Variants in CAMKMT observed in about 807,000 individuals in gnomAD.
CAMKMT encodes CaM KMT.
A neutral mutation model predicts 48.0 loss-of-function variants in CAMKMT; 53 were observed. That is an observed-to-expected ratio of 1.10 (90% CI 0.89 to 1.39). The LOEUF (loss-of-function observed/expected upper bound fraction) is 1.39. Ranked by LOEUF, CAMKMT falls within the 40% of genes most tolerant of loss-of-function variation. The pLI is 0.00. For synonymous variants in CAMKMT, 165 were observed against 152.3 expected (o/e 1.08, Z -0.61); for missense variants, 428 against 402.7 (o/e 1.06, Z -0.54).
chr2:44,582,989 A>T (rs1269075718), intron 3 of CAMKMT, among the ~76,000 whole-genome samples: 1 of 152,186 alleles, frequency 6.6e-6, no homozygotes, highest in African/African-American at 2.4e-5. Context: ...AAAAATGATG[A>T]TCTTTTTTGG....
At chr2:44,611,852 G>A (rs10195185) in intron 3 of CAMKMT, among the ~76,000 whole-genome samples, 84,673 of 151,528 alleles carry the variant, frequency 0.56, 25,312 homozygotes, top group Admixed American at 0.67. Flanking sequence ...AAATGAGGTT[G>A]GGGGAGGTGC....
chr2:44,561,781 A>T (rs1408740515), intron 3 of CAMKMT, among the ~76,000 whole-genome samples: 1 of 152,150 alleles, frequency 6.6e-6, no homozygotes, highest in Non-Finnish European at 1.5e-5. Flanking sequence ...GGATCCCCTC[A>T]CTCATTTCTG....
rs541331698 is a variant in CAMKMT, at chr2:44,390,974, A to G, written c.376+669A>G. Among the ~76,000 whole-genome samples the G allele has an allele frequency of 1.4e-4, 21 of 152,332 alleles. No homozygotes were observed. In the East Asian group the frequency reaches 3.9e-3, roughly 28 times the overall value. Reference sequence around the variant, plus strand: ...TCACTGAGTTAAACAGCATACCATCATAGGAGCTATGGACTTTTTATGTTT... The same window carrying G: ...TCACTGAGTTAAACAGCATACCATCGTAGGAGCTATGGACTTTTTATGTTT... On this transcript the variant is annotated intron_variant, in intron 3 of 10. Coordinates refer to ENST00000378494, the MANE Select transcript of CAMKMT (RefSeq NM_024766.5).
chr2:44,527,423 T>G, intron 3 of CAMKMT, among the ~76,000 whole-genome samples: 1 of 66,090 alleles, frequency 1.5e-5, no homozygotes, highest in African/African-American at 6.2e-5. Flanking sequence ...ATTATATATA[T>G]ATATATATTT....
chr2:44,489,758 T>G (rs541436797), intron 3 of CAMKMT, among the ~76,000 whole-genome samples: 81 of 152,174 alleles, frequency 5.3e-4, no homozygotes, highest in Admixed American at 2.1e-3. Context: ...TGGATTATTG[T>G]AAAAAGAACA....
intron 3 of CAMKMT, among the ~76,000 whole-genome samples, chr2:44,578,936 T>G (rs1669389921): frequency 6.6e-6 from 1 of 152,192 alleles, no homozygotes; most frequent in Admixed American, 6.5e-5. Flanking sequence ...AAAAGTTGAT[T>G]CATTGTGTAT....
rs537597076 is a variant in CAMKMT at position 44,549,588 on chromosome 2, T to C, written c.377-154695T>C. On this transcript the variant is annotated intron_variant, in intron 3 of 10. Transcript: ENST00000378494. ...TCTCACTCTGTTGCCCAGGCTGGAG[T>C]GCAGTGGTGATCATAACTCAGTGCA... 23 of 689,486 alleles carry C rather than the reference T, an allele frequency of 3.3e-5. No homozygotes were observed. The African/African-American group carries it at 4.1e-4, about 12-fold the overall frequency. The allele number at this position is 689,486 out of a possible 1,614,324, so 42.7% of individuals were successfully genotyped here.
At chr2:44,695,213 G>C (rs1292716045) in intron 3 of CAMKMT, among the ~76,000 whole-genome samples, 4 of 152,048 alleles carry the variant, frequency 2.6e-5, no homozygotes, top group Non-Finnish European at 4.4e-5. Context: ...GTGCAGGTTT[G>C]TTTTACAGAT....
chr2:44,735,081 C>G (rs1031477733), intron 7 of CAMKMT, among the ~76,000 whole-genome samples: 1 of 152,092 alleles, frequency 6.6e-6, no homozygotes, highest in African/African-American at 2.4e-5. Flanking sequence ...GCTTCTTGAC[C>G]CTTTAACATT....
intron 3 of CAMKMT, among the ~76,000 whole-genome samples, chr2:44,637,995 G>A (rs1673228756): frequency 1.3e-5 from 2 of 149,324 alleles, no homozygotes; most frequent in South Asian, 4.2e-4. Context: ...AACTCGGGAG[G>A]CAGAGGTTGC....
At chr2:44,620,485 C>T (rs1185191571) in intron 3 of CAMKMT, among the ~76,000 whole-genome samples, 3 of 152,136 alleles carry the variant, frequency 2.0e-5, no homozygotes, top group Non-Finnish European at 2.9e-5. Flanking sequence ...TTGATGGCAC[C>T]ATTACACATT....
chr2:44,388,754 G>A (rs1429852460), intron 2 of CAMKMT, among the ~76,000 whole-genome samples: 1 of 152,170 alleles, frequency 6.6e-6, no homozygotes, highest in Admixed American at 6.5e-5. Context: ...CCTATGAGCA[G>A]AACTGCTGTG....
chr2:44,622,004 T>C (rs1208736208), intron 3 of CAMKMT, among the ~76,000 whole-genome samples: 1 of 152,148 alleles, frequency 6.6e-6, no homozygotes, highest in African/African-American at 2.4e-5. Flanking sequence ...TGAGGGATGT[T>C]GAAGGAAAGA....
intron 3 of CAMKMT, among the ~76,000 whole-genome samples, chr2:44,679,493 T>C (rs888003875): frequency 1.3e-5 from 2 of 152,232 alleles, no homozygotes; most frequent in Non-Finnish European, 2.9e-5. Flanking sequence ...GGCTTCTAGA[T>C]GGTTTATTAA....
intron 3 of CAMKMT, among the ~76,000 whole-genome samples, chr2:44,600,359 T>G (rs200144918): frequency 6.6e-6 from 1 of 151,934 alleles, no homozygotes; most frequent in East Asian, 1.9e-4. Flanking sequence ...CTCAAACTCC[T>G]GGGCTCAGGT....
chr2:44,651,412 C>T (rs1308200857), intron 3 of CAMKMT, among the ~76,000 whole-genome samples: 1 of 152,060 alleles, frequency 6.6e-6, no homozygotes, highest in Non-Finnish European at 1.5e-5. Flanking sequence ...AGCCAGACGC[C>T]GTGGCATATG....
intron 3 of CAMKMT, among the ~76,000 whole-genome samples, chr2:44,426,046 A>C (rs1385569876): frequency 6.6e-6 from 1 of 152,208 alleles, no homozygotes; most frequent in Non-Finnish European, 1.5e-5. Context: ...TGTATCTTTT[A>C]AGCAGAAAAC....
Position 44,537,558 on chromosome 2 carries a change from C to CT in CAMKMT, c.376+147263dup, listed in dbSNP as rs1235796710. On this transcript the variant is annotated intron_variant, in intron 3 of 10. Coordinates refer to ENST00000378494, the MANE Select transcript of CAMKMT (RefSeq NM_024766.5). ...GTGAGGATGGAGAGAAAAGGGAACT[C>CT]TTTTTTTTTTCTTTCTTTCTTTCTG... Among the ~76,000 whole-genome samples, 75 of 149,596 alleles carry CT rather than the reference C, an allele frequency of 5.0e-4. 1 individual carries two copies. The highest frequency in any genetic ancestry group is 2.8e-3 in the South Asian group (13 of 4,684).
chr2:44,378,552 G>A (rs1403678839), intron 2 of CAMKMT, among the ~76,000 whole-genome samples: 1 of 152,164 alleles, frequency 6.6e-6, no homozygotes, highest in African/African-American at 2.4e-5. Context: ...GGAGTGCAGT[G>A]GTGCAATCTT....
Sources: allele counts gnomAD v4.1 joint callset (sites outside exome capture counted in the v4.1 genomes callset), GRCh38; gene constraint gnomAD v4.1.1; transcripts MANE v1.5; gene names NCBI Gene and HGNC (gene_info 2026-07-23, HGNC 2026-07-21).